The following ACYP2 variants were observed in gnomAD, a reference collection of about 807,000 sequenced individuals.
The protein encoded by ACYP2 is acylphosphatase 2.
In ACYP2, 12 loss-of-function variants were observed where a neutral mutation model predicts 11.2. That is an observed-to-expected ratio of 1.08 (90% CI 0.69 to 1.74). The LOEUF is 1.74. ACYP2 is among the 40% of genes most tolerant of loss of function. ACYP2 has a pLI of 0.00. For missense variants in ACYP2, 134 were observed against 101.9 expected (o/e 1.31, Z -1.35); for synonymous variants, 43 against 32.2 (o/e 1.33, Z -1.13).
chr2:54,027,312 G>C (rs922339544), intron 2 of ACYP2, among the ~76,000 whole-genome samples: 3 of 152,126 alleles, frequency 2.0e-5, no homozygotes, highest in African/African-American at 7.2e-5. Context: ...AAAACTTGGA[G>C]GGTCACTCTC....
At chr2:54,256,025 G>T (rs747826894) in intron 6 of ACYP2, 7 of 1,614,108 alleles carry the variant, frequency 4.3e-6, no homozygotes, top group Non-Finnish European at 5.9e-6. Flanking sequence ...GGCTCCAAGC[G>T]GCCATCAAAC....
At chr2:54,051,104 C>G (rs1675841846) in intron 3 of ACYP2, 4 of 619,310 alleles carry the variant, frequency 6.5e-6, no homozygotes, top group Non-Finnish European at 1.1e-5. Flanking sequence ...TGCAATGGCT[C>G]TCACAGCCAT....
chr2:53,988,155 A>G (rs1416126241), intron 2 of ACYP2, among the ~76,000 whole-genome samples: 1 of 152,132 alleles, frequency 6.6e-6, no homozygotes, highest in Non-Finnish European at 1.5e-5. Flanking sequence ...ACTTGAGTCC[A>G]GGAGTTCAAG....
chr2:53,990,898 G>A (rs905079377), intron 2 of ACYP2, among the ~76,000 whole-genome samples: 2 of 151,736 alleles, frequency 1.3e-5, no homozygotes, highest in Admixed American at 6.6e-5. Context: ...CTGGGTTCAC[G>A]CCATTCTCCT....
intron 4 of ACYP2, among the ~76,000 whole-genome samples, chr2:54,114,944 T>G (rs778568060): frequency 3.3e-5 from 5 of 152,078 alleles, no homozygotes; most frequent in Non-Finnish European, 7.4e-5. Context: ...CATAAATAAT[T>G]TACTAACTCT....
At chr2:54,175,180 G>A (rs894025172) in intron 6 of ACYP2, among the ~76,000 whole-genome samples, 4 of 152,042 alleles carry the variant, frequency 2.6e-5, no homozygotes, top group African/African-American at 9.7e-5. Context: ...TTGGTTGGTA[G>A]GCTATGAATT....
chr2:54,240,355 A>G (rs1388480500), intron 6 of ACYP2, among the ~76,000 whole-genome samples: 1 of 152,348 alleles, frequency 6.6e-6, no homozygotes, highest in South Asian at 2.1e-4. Flanking sequence ...ATCATTCTGC[A>G]TATGTGGTGA....
chr2:54,079,033 A>G (rs753184962), intron 4 of ACYP2, among the ~76,000 whole-genome samples: 7 of 152,238 alleles, frequency 4.6e-5, no homozygotes, highest in African/African-American at 7.2e-5. Flanking sequence ...CAGTTTCTAA[A>G]TTCCTTTTGT....
At chr2:54,190,699 C>CAGTTCCATGGCTTTCAGTCTCCTCTAT (rs2103886108) in intron 6 of ACYP2, among the ~76,000 whole-genome samples, 2 of 152,216 alleles carry the variant, frequency 1.3e-5, no homozygotes, top group South Asian at 4.1e-4. Flanking sequence ...TCTCCCTCTA[C>CAGTTCCATGGCTTTCAGTCTCCTCTAT]AGTTCCATGG....
chr2:54,274,168 A>G (rs1271565072), intron 6 of ACYP2, among the ~76,000 whole-genome samples: 6 of 152,200 alleles, frequency 3.9e-5, no homozygotes, highest in Admixed American at 2.6e-4. Flanking sequence ...GAGCAGTCAC[A>G]TCTTACATGG....
chr2:54,031,563 G>T (rs1052718335), intron 2 of ACYP2, among the ~76,000 whole-genome samples: 13 of 152,182 alleles, frequency 8.5e-5, no homozygotes, highest in Non-Finnish European at 1.3e-4. Context: ...CTTTGCTATT[G>T]TGAATAGTGC....
chr2:54,055,229 G>T (rs796679041), intron 3 of ACYP2, among the ~76,000 whole-genome samples: 99 of 152,122 alleles, frequency 6.5e-4, no homozygotes, highest in African/African-American at 2.2e-3. Flanking sequence ...TAGAGATGGG[G>T]TTTCACCATG....
chr2:54,274,298 A>G (rs539231175), intron 6 of ACYP2, among the ~76,000 whole-genome samples: 8 of 152,200 alleles, frequency 5.3e-5, no homozygotes, highest in African/African-American at 1.7e-4. Context: ...CTATAATTCA[A>G]TCACCTCCCA....
Position 54,143,150 on chromosome 2 carries a change from G to A in ACYP2, c.404+4402G>A, listed in dbSNP as rs185155194. On this transcript the variant is annotated intron_variant, in intron 6 of 6. Transcript: ENST00000607452. Reference sequence around the variant, plus strand: ...TTTGTTTCAGTGACTTCATTTGTCAGACCTGCCATGACAATGTTGAATAAT... The same window carrying A: ...TTTGTTTCAGTGACTTCATTTGTCAAACCTGCCATGACAATGTTGAATAAT... The A allele has an allele frequency of 2.1e-3, 319 of 152,256 alleles. 3 individuals are homozygous for A. Among genetic ancestry groups the A allele is most frequent in the African/African-American group, 7.2e-3 (300 of 41,548 alleles). 9.4% of individuals were successfully genotyped at this position (152,256 alleles called of 1,614,324 possible). A position where few individuals can be genotyped will look rare whatever the true frequency, so the allele number is the denominator to read the frequency against.
rs111447174 is a variant in ACYP2 at position 54,068,201 on chromosome 2, T to G, written c.277+10841T>G. ...AGGAGAGAAGGGATGACTCATGTTT[T>G]TGTTGAATTTGAGAGAGGAACTGGG... is the stretch of plus-strand genomic sequence containing the variant. On this transcript the variant is annotated intron_variant, in intron 4 of 6. Transcript: ENST00000607452. Among the ~76,000 whole-genome samples, 380 of 152,314 alleles carry G rather than the reference T, an allele frequency of 2.5e-3. 1 individual carries two copies. Among genetic ancestry groups the G allele is most frequent in the African/African-American group, 8.8e-3 (366 of 41,554 alleles).
intron 2 of ACYP2, among the ~76,000 whole-genome samples, chr2:54,001,886 G>A (rs1043409887): frequency 2.0e-5 from 3 of 152,110 alleles, no homozygotes; most frequent in Non-Finnish European, 4.4e-5. Context: ...GAAAAATTGC[G>A]TGAAAAGTAC....
chr2:54,129,530 G>A (rs540644961), intron 4 of ACYP2, among the ~76,000 whole-genome samples: 113 of 151,776 alleles, frequency 7.4e-4, no homozygotes, highest in African/African-American at 2.5e-3. Flanking sequence ...CTAATGTTAT[G>A]TATATGCATA....
At position 54,113,739 on chromosome 2, in the gene ACYP2, T is replaced by C. The variant is rs369794136; in HGVS notation, c.278-21714T>C. On this transcript the variant is annotated intron_variant, in intron 4 of 6. Transcript: ENST00000607452. The stretch of plus-strand genomic sequence containing the variant: ...GAAGGGGGAGGCATTCCAGATAGAG[T>C]AGACCCAAGAGAAGAGGTTCTTTGT... Among the ~76,000 whole-genome samples the C allele has an allele frequency of 1.9e-4, 29 of 151,704 alleles. No individual in the cohort carries two copies. In the East Asian group the frequency reaches 4.7e-3, roughly 24 times the overall value.
intron 6 of ACYP2, among the ~76,000 whole-genome samples, chr2:54,165,100 C>G (rs1682893296): frequency 2.6e-5 from 4 of 151,826 alleles, no homozygotes; most frequent in African/African-American, 9.7e-5. Context: ...TTTTTTTTAT[C>G]CAGTCTCTTA....
Sources: allele counts gnomAD v4.1 joint callset (sites outside exome capture counted in the v4.1 genomes callset), GRCh38; gene constraint gnomAD v4.1.1; transcripts MANE v1.5; gene names NCBI Gene and HGNC (gene_info 2026-07-23, HGNC 2026-07-21).